Variants in DTNA observed in about 807,000 individuals in gnomAD.
DTNA encodes the protein dystrobrevin alpha.
Under a neutral mutation model 100.7 loss-of-function variants are expected in DTNA, and 43 were observed. That is an observed-to-expected ratio of 0.43 (90% confidence interval 0.33 to 0.55). The LOEUF (loss-of-function observed/expected upper bound fraction) is 0.55, where lower values mean the gene tolerates loss of function less well. DTNA is among the 20% of genes least tolerant of loss of function. The pLI, the probability that DTNA is intolerant of heterozygous loss-of-function variation, is 0.04. For synonymous variants in DTNA, 349 were observed against 347.9 expected (o/e 1.00, Z -0.04); for missense variants, 798 against 953.9 (o/e 0.84, Z 2.15).
At chr18:34,495,435 A>C (rs1351353627) in intron 1 of DTNA, among the ~76,000 whole-genome samples, 1 of 152,186 alleles carries the variant, frequency 6.6e-6, no homozygotes, top group African/African-American at 2.4e-5. Context: ...TTATAAAGCA[A>C]ATGGCTAAAG....
intron 1 of DTNA, among the ~76,000 whole-genome samples, chr18:34,502,963 G>C (rs552240786): frequency 2.5e-4 from 38 of 152,268 alleles, no homozygotes; most frequent in African/African-American, 7.9e-4. Flanking sequence ...GCCGTCTCCA[G>C]TTATAATTGT....
At chr18:34,862,646 A>C (rs2096643840) in intron 16 of DTNA, among the ~76,000 whole-genome samples, 1 of 152,000 alleles carries the variant, frequency 6.6e-6, no homozygotes, top group Non-Finnish European at 1.5e-5. Flanking sequence ...AAAAAGAAAA[A>C]AAGATTAGTC....
intron 14 of DTNA, 149 bp from the exon 15 acceptor site, chr18:34,851,682 A>G (rs1422126676): frequency 2.7e-5 from 24 of 894,198 alleles, no homozygotes; most frequent in Non-Finnish European, 4.2e-5. Context: ...CATAGGAGAA[A>G]AATGGCAATT....
chr18:34,857,887 G>A (rs1483991217), intron 15 of DTNA, among the ~76,000 whole-genome samples: 1 of 152,184 alleles, frequency 6.6e-6, no homozygotes, highest in Admixed American at 6.5e-5. Flanking sequence ...TACGGTGTCA[G>A]AGTGTGATCG....
intron 2 of DTNA, among the ~76,000 whole-genome samples, chr18:34,762,920 C>G (rs1391058432): frequency 2.0e-5 from 3 of 152,152 alleles, no homozygotes; most frequent in Non-Finnish European, 4.4e-5. Flanking sequence ...AAAGCAGCAT[C>G]TCTACATCCC....
At chr18:34,777,832 G>C (rs1438067741) in intron 3 of DTNA, among the ~76,000 whole-genome samples, 1 of 152,148 alleles carries the variant, frequency 6.6e-6, no homozygotes, top group East Asian at 1.9e-4. Flanking sequence ...CTCTCCACAT[G>C]TGGGCATTAC....
In DTNA at chr18:34,776,136, G is replaced by A. The variant is rs147698346; in HGVS notation, c.148+10095G>A. Among the ~76,000 whole-genome samples, 9 of 152,292 alleles carry A rather than the reference G, an allele frequency of 5.9e-5. No homozygotes were observed. The East Asian group carries it at 1.5e-3, about 26-fold the overall frequency. ...TTTTACACAACTGATGAAGTTCAGCGCTATTTACCGAAAACTTTTCCCTTA... is the reference window on the plus strand; with the variant it reads ...TTTTACACAACTGATGAAGTTCAGCACTATTTACCGAAAACTTTTCCCTTA... On this transcript the variant is annotated intron_variant, in intron 3 of 22. Coordinates refer to ENST00000444659, the MANE Select transcript of DTNA (RefSeq NM_001386795.1).
intron 1 of DTNA, among the ~76,000 whole-genome samples, chr18:34,621,740 T>G (rs2056543835): frequency 6.6e-6 from 1 of 152,204 alleles, no homozygotes; most frequent in Non-Finnish European, 1.5e-5. Flanking sequence ...GTTCAAGAAC[T>G]CTATTGTACA....
intron 1 of DTNA, among the ~76,000 whole-genome samples, chr18:34,600,542 A>G (rs1290035357): frequency 6.6e-6 from 1 of 152,228 alleles, no homozygotes; most frequent in Non-Finnish European, 1.5e-5. Flanking sequence ...TTTACAAGAT[A>G]TAATTTTGAA....
rs113175953 is a variant in DTNA at position 34,563,227 on chromosome 18, A to G, written c.-2+69713A>G. ...TCCCTACTGGGAAGGTCATTTAGAG[A>G]GGCATACATGGAAGAAGGTTGTGTG... is the stretch of plus-strand genomic sequence containing the variant. On this transcript the variant is annotated intron_variant, in intron 1 of 19. Transcript: ENST00000283365. Among the ~76,000 whole-genome samples the G allele has an allele frequency of 3.3e-3, 503 of 152,296 alleles. 3 individuals carry two copies. Among genetic ancestry groups the G allele is most frequent in the African/African-American group, 0.011 (469 of 41,568 alleles).
intron 1 of DTNA, among the ~76,000 whole-genome samples, chr18:34,566,162 G>A (rs1236729104): frequency 1.3e-5 from 2 of 152,120 alleles, no homozygotes; most frequent in African/African-American, 4.8e-5. Flanking sequence ...GTAAAGCAAT[G>A]ACCAAGTAAT....
At chr18:34,720,444 G>A (rs1178338098) in intron 1 of DTNA, among the ~76,000 whole-genome samples, 1 of 152,184 alleles carries the variant, frequency 6.6e-6, no homozygotes, top group African/African-American at 2.4e-5. Flanking sequence ...TGCTGTTTGG[G>A]TTAAGACACA....
intron 1 of DTNA, among the ~76,000 whole-genome samples, chr18:34,528,077 G>A (rs2042800817): frequency 6.6e-6 from 1 of 151,964 alleles, no homozygotes; most frequent in Admixed American, 6.6e-5. Flanking sequence ...ATTTTAATGA[G>A]TTAGAGTCTC....
intron 1 of DTNA, among the ~76,000 whole-genome samples, chr18:34,545,909 C>T (rs1293610267): frequency 6.6e-6 from 1 of 152,038 alleles, no homozygotes; most frequent in African/African-American, 2.4e-5. Context: ...TCAACACTTT[C>T]TGAGCACACC....
chr18:34,859,419 T>A (rs961511792), intron 16 of DTNA, among the ~76,000 whole-genome samples: 1 of 152,240 alleles, frequency 6.6e-6, no homozygotes, highest in Non-Finnish European at 1.5e-5. Context: ...AAATACCCTA[T>A]GGAGGTTTCC....
chr18:34,526,088 A>G (rs2042585352), intron 1 of DTNA, among the ~76,000 whole-genome samples: 1 of 152,186 alleles, frequency 6.6e-6, no homozygotes, highest in South Asian at 2.1e-4. Context: ...CTGGTGTTAC[A>G]TGATAAAACA....
intron 8 of DTNA, among the ~76,000 whole-genome samples, chr18:34,820,133 T>C (rs1393982500): frequency 6.6e-6 from 1 of 151,960 alleles, no homozygotes; most frequent in Non-Finnish European, 1.5e-5. Context: ...TCTCTGGAAA[T>C]AACCTGAATT....
upstream of DTNA, among the ~76,000 whole-genome samples, chr18:34,708,002 A>G (rs979081811): frequency 2.0e-5 from 3 of 152,186 alleles, no homozygotes; most frequent in African/African-American, 7.2e-5. Flanking sequence ...AATGATAGAG[A>G]AATCTTGCAA....
rs76946103 is a variant in DTNA at position 34,537,698 on chromosome 18, A to T, written c.-2+44184A>T. On this transcript the variant is annotated intron_variant, in intron 1 of 19. Coordinates refer to the DTNA transcript ENST00000283365. ...AGAAGATAGGTCTGCAGTAAAATTA[A>T]CAATAACCTGGAACTATAATTTCAG... Among the ~76,000 whole-genome samples, 1,419 of 152,094 alleles carry T rather than the reference A, an allele frequency of 9.3e-3. 30 individuals are homozygous for T. Among genetic ancestry groups the T allele is most frequent in the African/African-American group, 0.032 (1,345 of 41,528 alleles).
Sources: allele counts gnomAD v4.1 joint callset (sites outside exome capture counted in the v4.1 genomes callset), GRCh38; gene constraint gnomAD v4.1.1; transcripts MANE v1.5; gene names NCBI Gene and HGNC (gene_info 2026-07-23, HGNC 2026-07-21).